The following CADM2 variants were observed in gnomAD, a reference collection of about 807,000 sequenced individuals.
CADM2 encodes immunoglobulin superfamily member 4D.
In CADM2, 12 loss-of-function variants were observed where a neutral mutation model predicts 49.8. The ratio of observed to expected loss-of-function variants is 0.24; its 90% CI spans 0.15 to 0.39. The LOEUF (loss-of-function observed/expected upper bound fraction) is 0.39. CADM2 is among the 10% of genes least tolerant of loss of function. The pLI, the probability that CADM2 is intolerant of heterozygous loss-of-function variation, is 1.00. For synonymous variants in CADM2, 214 were observed against 175.4 expected (o/e 1.22, Z -1.74); for missense variants, 378 against 492.3 (o/e 0.77, Z 2.20).
chr3:85,463,375 T>C (rs2038341577), intron 1 of CADM2, among the ~76,000 whole-genome samples: 1 of 152,138 alleles, frequency 6.6e-6, no homozygotes. Flanking sequence ...TTTATCTGGC[T>C]TGGGCAGGTT....
chr3:85,930,925 T>C (rs1055059472), intron 6 of CADM2, among the ~76,000 whole-genome samples: 8 of 149,626 alleles, frequency 5.3e-5, no homozygotes, highest in Non-Finnish European at 7.4e-5. Context: ...ATTATATTAC[T>C]TAATAATTAA....
At chr3:85,094,620 C>T (rs1382581253) in intron 1 of CADM2, among the ~76,000 whole-genome samples, 1 of 152,212 alleles carries the variant, frequency 6.6e-6, no homozygotes, top group East Asian at 1.9e-4. Context: ...TCAATATAAA[C>T]TGGAAAAATA....
chr3:85,587,791 C>CTTT (rs2062986337), intron 1 of CADM2, among the ~76,000 whole-genome samples: 1 of 151,946 alleles, frequency 6.6e-6, no homozygotes, highest in African/African-American at 2.4e-5. Context: ...GTCACCCAGG[C>CTTT]TGGAGTGCAG....
At chr3:85,026,391 T>G (rs2034728329) in intron 1 of CADM2, among the ~76,000 whole-genome samples, 1 of 152,134 alleles carries the variant, frequency 6.6e-6, no homozygotes, top group Non-Finnish European at 1.5e-5. Context: ...TGCAACATAT[T>G]TAAATGCCAA....
chr3:85,966,521 C>T (rs2108629268), intron 8 of CADM2, among the ~76,000 whole-genome samples: 1 of 151,722 alleles, frequency 6.6e-6, no homozygotes, highest in African/African-American at 2.4e-5. Context: ...TTAACTCTTG[C>T]TATCATTTAG....
intron 2 of CADM2, among the ~76,000 whole-genome samples, chr3:85,752,412 A>G (rs1337298708): frequency 1.3e-5 from 2 of 151,346 alleles, no homozygotes; most frequent in African/African-American, 2.4e-5. Flanking sequence ...AAGAACTTTA[A>G]CATCTCTCCT....
intron 1 of CADM2, among the ~76,000 whole-genome samples, chr3:85,518,038 T>C (rs2060944482): frequency 6.6e-6 from 1 of 152,168 alleles, no homozygotes; most frequent in Non-Finnish European, 1.5e-5. Flanking sequence ...ACAGAGTCTC[T>C]CTCTGTTGTC....
intron 1 of CADM2, among the ~76,000 whole-genome samples, chr3:85,713,620 T>C (rs930293457): frequency 2.0e-5 from 3 of 152,192 alleles, no homozygotes; most frequent in Admixed American, 6.5e-5. Flanking sequence ...CTATCTACAA[T>C]TGAATTCTCA....
chr3:85,905,651 C>A (rs753792354), intron 5 of CADM2, among the ~76,000 whole-genome samples: 2 of 151,556 alleles, frequency 1.3e-5, no homozygotes, highest in Non-Finnish European at 2.9e-5. Flanking sequence ...AAAGAATGAA[C>A]AGAAAAAGAA....
intron 9 of CADM2, 27 bp downstream of exon 9, chr3:86,065,757 A>G: frequency 6.2e-7 from 1 of 1,608,750 alleles, no homozygotes; most frequent in Non-Finnish European, 8.5e-7. Context: ...CAGAGTACAC[A>G]ATGTGGGCAA....
chr3:85,930,571 A>ACTC (rs1266290612), intron 6 of CADM2, among the ~76,000 whole-genome samples: 1 of 151,684 alleles, frequency 6.6e-6, no homozygotes, highest in Non-Finnish European at 1.5e-5. Flanking sequence ...TTTTTCTCGT[A>ACTC]CTCCTTAACC....
chr3:85,444,462 C>CAG (rs1283921491), intron 1 of CADM2, among the ~76,000 whole-genome samples: 1 of 151,692 alleles, frequency 6.6e-6, no homozygotes, highest in Non-Finnish European at 1.5e-5. Flanking sequence ...CACACACACA[C>CAG]ACACACCCTT....
chr3:85,395,296 C>CAAAAAAAA (rs58315220), intron 1 of CADM2, among the ~76,000 whole-genome samples: 1 of 75,550 alleles, frequency 1.3e-5, no homozygotes, highest in Non-Finnish European at 2.7e-5. Flanking sequence ...AGACTCCATA[C>CAAAAAAAA]AAAAAAAAAA....
chr3:85,825,726 C>G (rs1022994069), intron 3 of CADM2, among the ~76,000 whole-genome samples: 2 of 151,568 alleles, frequency 1.3e-5, no homozygotes, highest in Non-Finnish European at 2.9e-5. Context: ...CACTGTGTAC[C>G]GATTTTTTAA....
intron 1 of CADM2, among the ~76,000 whole-genome samples, chr3:85,293,733 C>T (rs2043869880): frequency 6.7e-6 from 1 of 148,784 alleles, no homozygotes. Context: ...TGACAAAATT[C>T]AGCAACCCTT....
At chr3:85,774,912 G>A (rs1262602975) in intron 2 of CADM2, among the ~76,000 whole-genome samples, 1 of 151,600 alleles carries the variant, frequency 6.6e-6, no homozygotes, top group African/African-American at 2.4e-5. Flanking sequence ...TGATACACAT[G>A]TATATAGTTA....
At position 85,291,716 on chromosome 3, in the gene CADM2, T is replaced by C. The variant is rs530841975; in HGVS notation, c.61+332048T>C. 1.3e-4 allele frequency among the ~76,000 whole-genome samples: 19 copies of C among 147,314 alleles called. No individual in the cohort carries two copies. In the East Asian group the frequency reaches 2.3e-3, roughly 18 times the overall value. ...CTTCATAAGTGAAGGAGAAATAAAA[T>C]ACTTTACAGACAAGCAAATGCTGAG... On this transcript the variant is annotated intron_variant, in intron 1 of 9. Coordinates refer to ENST00000383699, the MANE Select transcript of CADM2 (RefSeq NM_001167675.2).
At chr3:85,424,851 A>G (rs1303481841) in intron 1 of CADM2, among the ~76,000 whole-genome samples, 3 of 152,126 alleles carry the variant, frequency 2.0e-5, no homozygotes, top group Non-Finnish European at 4.4e-5. Context: ...ACTAGAATAT[A>G]ATTAATTCCA....
At chr3:85,603,938 C>G (rs2063485012) in intron 1 of CADM2, among the ~76,000 whole-genome samples, 1 of 151,924 alleles carries the variant, frequency 6.6e-6, no homozygotes, top group East Asian at 1.9e-4. Context: ...GTTCATCTTT[C>G]TCTTTGCATT....
Sources: gnomAD v4.1 joint callset for allele counts (sites outside exome capture counted in the v4.1 genomes callset) on GRCh38, gnomAD v4.1.1 for gene constraint, MANE v1.5 for transcripts, NCBI Gene and HGNC (gene_info 2026-07-23, HGNC 2026-07-21) for gene names.